NAV3: variants seen among roughly 807,000 people sequenced by gnomAD.
The protein encoded by NAV3 is pore membrane and/or filament interacting like protein 1.
A neutral mutation model predicts 244.7 loss-of-function variants in NAV3; 87 were observed. The observed-to-expected ratio is 0.36, with a 90% confidence interval of 0.30 to 0.42. NAV3 has a LOEUF of 0.42. Among genes scored for constraint, NAV3 ranks in the 20% least tolerant of loss-of-function variants. NAV3 has a pLI of 1.00. For missense variants in NAV3, 2,663 were observed against 2,893.3 expected (o/e 0.92, Z 1.83); for synonymous variants, 1,126 against 1,042.2 (o/e 1.08, Z -1.55).
chr12:77,664,222 G>A (rs1226192786), intron 2 of NAV3, among the ~76,000 whole-genome samples: 3 of 152,110 alleles, frequency 2.0e-5, no homozygotes, highest in South Asian at 4.1e-4. Context: ...AATTATTTTA[G>A]CAATACAATA....
At chr12:77,969,575 G>A (rs545363892) in intron 5 of NAV3, among the ~76,000 whole-genome samples, 1 of 152,206 alleles carries the variant, frequency 6.6e-6, no homozygotes, top group South Asian at 2.1e-4. Flanking sequence ...GGCCAGGCAC[G>A]ATGGCTCAAG....
intron 29 of NAV3, among the ~76,000 whole-genome samples, chr12:78,180,590 T>C (rs1958455989): frequency 6.6e-6 from 1 of 152,074 alleles, no homozygotes; most frequent in Non-Finnish European, 1.5e-5. Context: ...TTAATTCAAA[T>C]GAGACCAAGT....
At chr12:77,756,346 A>G (rs1247134477) in intron 2 of NAV3, among the ~76,000 whole-genome samples, 1 of 151,692 alleles carries the variant, frequency 6.6e-6, no homozygotes, top group Non-Finnish European at 1.5e-5. Context: ...TGCTGATTTA[A>G]CTGACACTTT....
At chr12:78,177,366 A>G (rs1958280318) in intron 27 of NAV3, 53 bp downstream of exon 27, 2 of 1,563,462 alleles carry the variant, frequency 1.3e-6, no homozygotes, top group Admixed American at 1.9e-5. Flanking sequence ...ACAATTTTAG[A>G]TGAAGGCCTT....
intron 9 of NAV3, among the ~76,000 whole-genome samples, chr12:78,039,896 G>A (rs1472975307): frequency 6.6e-6 from 1 of 151,994 alleles, no homozygotes; most frequent in Non-Finnish European, 1.5e-5. Context: ...ATTCCATTGT[G>A]TTTGACACAT....
intron 11 of NAV3, among the ~76,000 whole-genome samples, chr12:78,053,232 T>A (rs770111): frequency 0.061 from 9,097 of 149,856 alleles, 361 homozygotes; most frequent in Non-Finnish European, 0.086. Flanking sequence ...TATATATATA[T>A]AATATATATA....
At position 78,116,877 on chromosome 12, in the gene NAV3, C is replaced by T. The variant is rs2138519974; in HGVS notation, c.2742C>T (p.Ile914=). The T allele has an allele frequency of 1.2e-6, 2 of 1,613,242 alleles. No homozygotes were observed. Among genetic ancestry groups the T allele is most frequent in the Non-Finnish European group, 1.7e-6 (2 of 1,179,456 alleles). The change falls in exon 13 of 40, where the codon ATC becomes ATT. Residue 914 remains isoleucine (I), a synonymous_variant. Coordinates refer to ENST00000397909, the MANE Select transcript of NAV3 (RefSeq NM_001024383.2). ...CCTCTGTCAGCTCTTACTCCAACATCACCGTCCCCTCTAGGAAGAATACTC... is the reference window on the plus strand; with the variant it reads ...CCTCTGTCAGCTCTTACTCCAACATTACCGTCCCCTCTAGGAAGAATACTC... The part of the protein sequence containing the change: ...TTSSVSSYSN[I]TVPSRKNTQL...
intron 38 of NAV3, among the ~76,000 whole-genome samples, chr12:78,200,981 C>T (rs1959609104): frequency 1.3e-5 from 2 of 150,808 alleles, no homozygotes; most frequent in Non-Finnish European, 1.5e-5. Flanking sequence ...TTTTCTTTCT[C>T]CTTCCTTCCT....
chr12:77,674,707 T>G (rs1874132700), intron 2 of NAV3, among the ~76,000 whole-genome samples: 1 of 152,196 alleles, frequency 6.6e-6, no homozygotes, highest in African/African-American at 2.4e-5. Flanking sequence ...AATTTTAAAC[T>G]CAGTGGTTTT....
intron 1 of NAV3, among the ~76,000 whole-genome samples, chr12:77,832,739 G>A (rs1873934202): frequency 6.6e-6 from 1 of 151,542 alleles, no homozygotes; most frequent in Admixed American, 6.6e-5. Context: ...CTATCTAAAT[G>A]TATTTTTGTA....
At chr12:77,984,399 G>A (rs1870100403) in intron 5 of NAV3, among the ~76,000 whole-genome samples, 2 of 152,158 alleles carry the variant, frequency 1.3e-5, no homozygotes, top group Admixed American at 1.3e-4. Flanking sequence ...CCAAGTGCAG[G>A]TGTGCAGGGT....
intron 30 of NAV3, among the ~76,000 whole-genome samples, chr12:78,184,306 A>G (rs1000615458): frequency 8.6e-5 from 13 of 151,974 alleles, no homozygotes; most frequent in African/African-American, 3.1e-4. Flanking sequence ...TTGATCACAA[A>G]CTACCAGAAG....
intron 2 of NAV3, among the ~76,000 whole-genome samples, chr12:77,684,130 T>C (rs1874603787): frequency 6.6e-6 from 1 of 152,214 alleles, no homozygotes; most frequent in Non-Finnish European, 1.5e-5. Context: ...TTAGCCATTC[T>C]AATGAGTGTG....
chr12:78,061,526 C>A (rs1884322802), intron 12 of NAV3, among the ~76,000 whole-genome samples: 2 of 151,666 alleles, frequency 1.3e-5, no homozygotes, highest in African/African-American at 4.8e-5. Flanking sequence ...AATTAAATTG[C>A]AAAAAGGTCA....
Position 78,050,845 on chromosome 12 carries a change from C to A in NAV3, c.2214C>A (p.Thr738=), listed in dbSNP as rs2137247967. The A allele has an allele frequency of 6.2e-7, 1 of 1,614,072 alleles. No homozygotes were observed. Among genetic ancestry groups the A allele is most frequent in the Non-Finnish European group, 8.5e-7 (1 of 1,179,990 alleles). The stretch of plus-strand genomic sequence containing the variant: ...TACCCAACTTGACAAGTCGACCCAC[C>A]CCCATGACCTGGAGGTTGGGCCAGG... ...RTIPNLTSRP[T]PMTWRLGQAC... The change falls in exon 11 of 40, where the codon ACC becomes ACA. Residue 738 remains threonine (T), a synonymous_variant. Transcript: ENST00000397909.
At chr12:77,857,663 T>C (rs939586392) in intron 1 of NAV3, among the ~76,000 whole-genome samples, 2 of 151,936 alleles carry the variant, frequency 1.3e-5, no homozygotes, top group African/African-American at 2.4e-5. Context: ...AAAAAGACTT[T>C]AGAAAAAGTT....
chr12:77,612,709 G>A (rs1053383058), intron 2 of NAV3, among the ~76,000 whole-genome samples: 1 of 152,068 alleles, frequency 6.6e-6, no homozygotes, highest in African/African-American at 2.4e-5. Context: ...CTCATAAACT[G>A]TTATTTCTTC....
chr12:77,750,683 T>C (rs774217010), intron 2 of NAV3, among the ~76,000 whole-genome samples: 2 of 152,142 alleles, frequency 1.3e-5, no homozygotes, highest in Non-Finnish European at 2.9e-5. Flanking sequence ...CCATTTAAAG[T>C]CTGAAGTGGA....
At chr12:77,992,789 G>T (rs1199881885) in intron 5 of NAV3, among the ~76,000 whole-genome samples, 3 of 152,276 alleles carry the variant, frequency 2.0e-5, no homozygotes, top group East Asian at 3.9e-4. Context: ...GAGAAAATGG[G>T]ACAAAAATGA....
Sources: allele counts gnomAD v4.1 joint callset (sites outside exome capture counted in the v4.1 genomes callset), GRCh38; gene constraint gnomAD v4.1.1; transcripts MANE v1.5; gene names NCBI Gene and HGNC (gene_info 2026-07-23, HGNC 2026-07-21).